Variants in TTN observed in about 807,000 individuals in gnomAD.
TTN encodes titin, also known as connectin.
Under a neutral mutation model 3,223.0 loss-of-function variants are expected in TTN, and 1,525 were observed. The ratio of observed to expected loss-of-function variants is 0.47; its 90% CI spans 0.45 to 0.49. The LOEUF (loss-of-function observed/expected upper bound fraction) is 0.49, where lower values mean the gene tolerates loss of function less well. TTN is among the 20% of genes least tolerant of loss of function. The pLI, the probability that TTN is intolerant of heterozygous loss-of-function variation, is 0.00. For missense variants in TTN, 40,786 were observed against 43,424.0 expected, an observed-to-expected ratio of 0.94 and a Z score of 5.40; for synonymous variants, 14,094 against 15,161.0, an observed-to-expected ratio of 0.93 and a Z score of 5.17.
At position 178,601,440 on chromosome 2, in the gene TTN, C is replaced by T; in HGVS notation, c.55557G>A (p.Arg18519=). Reference sequence around the variant, plus strand: ...TGGTCCAGGCTTTTCCATCAATAGTCCTCTTCTCAATAACATAGCCTTTGA... The same window carrying T: ...TGGTCCAGGCTTTTCCATCAATAGTTCTCTTCTCAATAACATAGCCTTTGA... ...DRIKGYVIEK[R]TIDGKAWTKV... is the part of the protein sequence containing the mutation. Residue 18519 remains arginine, a synonymous_variant, in exon 287 of 363, where the codon AGG becomes AGA. Transcript: ENST00000589042. 2 of 1,612,876 alleles carry T rather than the reference C, an allele frequency of 1.2e-6. No individual in the cohort carries two copies. The highest frequency in any genetic ancestry group is 2.2e-5 in the South Asian group (2 of 91,022).
chr2:178,718,524 G>A lies in TTN; in HGVS notation c.24582C>T (p.Tyr8194=), dbSNP rs1577961198. 6.2e-7 allele frequency: 1 copy of A among 1,613,758 alleles called. No individual in the cohort carries two copies. The highest frequency in any genetic ancestry group is 8.5e-7 in the Non-Finnish European group (1 of 1,179,756). ...TCACTGAGATTGGAGGTGTGCCAGT[G>A]TATGTGGCCTCGAGAACTATGGGGC... ...TGSPIVLEAT[Y]TGTPPISVSW... Residue 8194 remains tyrosine, a synonymous_variant, in exon 85 of 363, where the codon TAC becomes TAT. Coordinates refer to ENST00000589042, the MANE Select transcript of TTN (RefSeq NM_001267550.2).
chr2:178,569,579 T>C lies in TTN; in HGVS notation c.76553A>G (p.Lys25518Arg). Residue 25518 changes from lysine (K) to arginine (R), a missense_variant, in exon 326 of 363, where the codon AAA (lysine) becomes AGA (arginine). By Grantham distance (26) the Lys-to-Arg change is conservative (BLOSUM62 2). Transcript: ENST00000589042. The stretch of plus-strand genomic sequence containing the variant: ...GCCACCTGCCCTTATATTTATGATT[T>C]TCCTTAGTTCTAGGTCAAGATCAAT... Reference protein sequence around the residue: ...PDIDLDLELRKIINIRAGGSL... With the variant: ...PDIDLDLELRRIINIRAGGSL... The C allele has an allele frequency of 6.2e-7, 1 of 1,612,954 alleles. No individual in the cohort carries two copies. The highest frequency in any genetic ancestry group is 8.5e-7 in the Non-Finnish European group (1 of 1,179,474).
rs760651904 is a variant in TTN at position 178,598,769 on chromosome 2, C to G, written c.56941G>C (p.Ala18981Pro). 1 of 1,613,246 alleles carries G rather than the reference C, an allele frequency of 6.2e-7. No individual in the cohort carries two copies. Among genetic ancestry groups the G allele is most frequent in the Admixed American group, 1.7e-5 (1 of 59,960 alleles). The change falls in exon 291 of 363, where the codon GCG (alanine) becomes CCG (proline). Residue 18981 changes from alanine (A) to proline (P), a missense_variant. Transcript: ENST00000589042. ...VGPASLPSDP[A>P]TARDPIAPPG... ...TTACCAATTGGATCTCTAGCAGTCG[C>G]TGGGTCTGATGGCAGACTTGCTGGA...
At chr2:178,550,754 C>G (rs958737346) in intron 336 of TTN, 15 of 568,846 alleles carry the variant, frequency 2.6e-5, no homozygotes, top group Admixed American at 1.4e-4. Context: ...GCTGCATGCT[C>G]TTTATATGGG....
Position 178,620,795 on chromosome 2 carries a change from T to C in TTN, c.45815A>G (p.Asp15272Gly). The stretch of plus-strand genomic sequence containing the variant: ...AGACACATTATAGTTGGCTTGGTCA[T>C]CTAAGTGTGCATCTCTAATTCTGAG... The part of the protein sequence containing the change: ...YTLRIRDAHL[D>G]DQANYNVSLT... The change falls in exon 247 of 363, where the codon GAT becomes GGT. Residue 15272 changes from aspartate to glycine, a missense_variant. Physicochemically the swap from Asp to Gly is moderately conservative, Grantham distance 94. Coordinates refer to ENST00000589042, the MANE Select transcript of TTN (RefSeq NM_001267550.2). 1 of 1,612,826 alleles carries C rather than the reference T, an allele frequency of 6.2e-7. No individual in the cohort carries two copies. Among genetic ancestry groups the C allele is most frequent in the Non-Finnish European group, 8.5e-7 (1 of 1,179,168 alleles).
At position 178,584,666 on chromosome 2, in the gene TTN, T is replaced by C; in HGVS notation, c.64972+3A>G. On this transcript the variant is annotated splice_donor_region_variant and intron_variant, in intron 310 of 362. Coordinates refer to ENST00000589042, the MANE Select transcript of TTN (RefSeq NM_001267550.2). ...ACTTTTTTTCTCCTTCACAAAAACA[T>C]ACCAAATGGGAACTGCGCAACCATC... The C allele has an allele frequency of 1.9e-6, 3 of 1,612,646 alleles. No homozygotes were observed. The highest frequency in any genetic ancestry group is 2.5e-6 in the Non-Finnish European group (3 of 1,179,384).
intron 41 of TTN, 117 bp from the exon 42 acceptor site, chr2:178,764,928 AT>A (rs768923517): frequency 3.3e-5 from 40 of 1,204,972 alleles, no homozygotes; most frequent in Non-Finnish European, 4.5e-5. Context: ...AAATTTTGGA[AT>A]TGTGGTATTT....
chr2:178,768,978 A>G, intron 37 of TTN, 45 bp from the exon 38 acceptor site: 1 of 1,606,990 alleles, frequency 6.2e-7, no homozygotes, highest in African/African-American at 1.3e-5. Flanking sequence ...CTTTACGTAA[A>G]TATGATGTGG....
Position 178,578,093 on chromosome 2 carries a change from A to G in TTN, c.68422T>C (p.Leu22808=), listed in dbSNP as rs879207167. 5 of 1,613,306 alleles carry G rather than the reference A, an allele frequency of 3.1e-6. No individual in the cohort carries two copies. The highest frequency in any genetic ancestry group is 4.2e-6 in the Non-Finnish European group (5 of 1,179,476). The stretch of plus-strand genomic sequence containing the variant: ...AATTCATATTCAAGACCTTCAGTTA[A>G]TCCTGTCACTTTAAAGTCTCTCATC... ...IRMRDFKVTG[L]TEGLEYEFRV... is the part of the protein sequence containing the mutation. Residue 22808 remains leucine, a synonymous_variant, in exon 322 of 363, where the codon TTA becomes CTA. Transcript: ENST00000589042.
chr2:178,564,568 T>C lies in TTN; in HGVS notation c.81564A>G (p.Thr27188=). 1 of 1,613,454 alleles carries C rather than the reference T, an allele frequency of 6.2e-7. No individual in the cohort carries two copies. Among genetic ancestry groups the C allele is most frequent in the Non-Finnish European group, 8.5e-7 (1 of 1,179,674 alleles). ...EAIVITRNNV[T]LKWKKPAYDG... ...CATAGGCAGGTTTCTTCCATTTCAGTGTGACATTGTTTCTTGTAATAACAA... is the reference window on the plus strand; with the variant it reads ...CATAGGCAGGTTTCTTCCATTTCAGCGTGACATTGTTTCTTGTAATAACAA... Residue 27188 remains threonine (T), a synonymous_variant, in exon 326 of 363, where the codon ACA becomes ACG. Transcript: ENST00000589042.
chr2:178,628,888 C>G (rs1324549930), intron 240 of TTN: 1 of 156,300 alleles, frequency 6.4e-6, no homozygotes, highest in African/African-American at 2.4e-5. Flanking sequence ...GTCTTCTCCT[C>G]TTAATCCCCT....
intron 43 of TTN, among the ~76,000 whole-genome samples, chr2:178,760,284 C>T (rs2088701034): frequency 6.6e-6 from 1 of 152,156 alleles, no homozygotes; most frequent in East Asian, 1.9e-4. Context: ...GTAATCCCAG[C>T]ACTTTGGGAG....
Position 178,766,498 on chromosome 2 carries a change from A to G in TTN, c.9586T>C (p.Tyr3196His). 1 of 1,614,064 alleles carries G rather than the reference A, an allele frequency of 6.2e-7. No individual in the cohort carries two copies. The highest frequency in any genetic ancestry group is 8.5e-7 in the Non-Finnish European group (1 of 1,179,984). Residue 3196 changes from tyrosine to histidine, a missense_variant, in exon 41 of 363, where the codon TAT becomes CAT. Tyr to His is a moderately conservative substitution (Grantham distance 83). Coordinates refer to ENST00000589042, the MANE Select transcript of TTN (RefSeq NM_001267550.2). ...INFQVQERHKYVVERRIHRMF... is the reference protein window; with the variant it reads ...INFQVQERHKHVVERRIHRMF... ...CGGTGGATTCTTCTTTCCACTACAT[A>G]TTTGTGTCGTTCTTGAACTTGGAAA... is the stretch of plus-strand genomic sequence containing the variant.
chr2:178,774,046 C>T lies in TTN; in HGVS notation c.7122G>A (p.Gln2374=), dbSNP rs774105753. The part of the protein sequence containing the change: ...DQKVCEGDIV[Q]LEVKVSLESV... ...TTTCCAAGGAGACTTTAACTTCAAG[C>T]TGAACAATGTCACCCTCACAGACTT... Residue 2374 remains glutamine (Q), a synonymous_variant, in exon 31 of 363, where the codon CAG becomes CAA. Transcript: ENST00000589042. The T allele has an allele frequency of 6.2e-7, 1 of 1,613,968 alleles. No individual in the cohort carries two copies. Among genetic ancestry groups the T allele is most frequent in the African/African-American group, 1.3e-5 (1 of 74,910 alleles).
intron 313 of TTN, 54 bp from the exon 314 acceptor site, chr2:178,582,646 T>G: frequency 6.6e-7 from 1 of 1,507,006 alleles, no homozygotes; most frequent in Admixed American, 2.1e-5. Context: ...GAGTATAGAG[T>G]AGAGGTCTGG....
rs764030230 is a variant in TTN at position 178,764,204 on chromosome 2, G to A, written c.10087C>T (p.Arg3363Cys). The change falls in exon 43 of 363, where the codon CGT becomes TGT. Residue 3363 changes from arginine to cysteine, a missense_variant. Transcript: ENST00000589042. ...GTTCCAGAAACCCGGCATTGAAAAC[G>A]GGCTGGCTGCCCTTCAGAAGTGACA... Reference protein sequence around the residue: ...DTVTSEGQPARFQCRVSGTDL... With the variant: ...DTVTSEGQPACFQCRVSGTDL... The A allele has an allele frequency of 1.3e-5, 21 of 1,613,924 alleles. No individual in the cohort carries two copies. Among genetic ancestry groups the A allele is most frequent in the Admixed American group, 1.2e-4 (7 of 59,998 alleles).
chr2:178,805,361 A>AT lies in TTN; in HGVS notation c.-13-707_-13-706insA, dbSNP rs1444680882. The stretch of plus-strand genomic sequence containing the variant: ...TCTGTCTCAAAAAAAAAAAAAAAAA[A>AT]AAATTAAAATAAATAAACCTCTGCA... On this transcript the variant is annotated intron_variant, in intron 1 of 362. Coordinates refer to ENST00000589042, the MANE Select transcript of TTN (RefSeq NM_001267550.2). Among the ~76,000 whole-genome samples, 6 of 151,818 alleles carry AT rather than the reference A, an allele frequency of 4.0e-5. No homozygotes were observed. In the East Asian group the frequency reaches 1.2e-3, roughly 29 times the overall value.
Position 178,689,003 on chromosome 2 carries a change from ATTTTTTTTT to A in TTN, c.32095+41_32095+49del, listed in dbSNP as rs35770337. 5.3e-4 allele frequency: 536 copies of A among 1,006,446 alleles called. 1 individual carries two copies. The highest frequency in any genetic ancestry group is 3.2e-3 in the African/African-American group (149 of 45,898). 62.3% of individuals were successfully genotyped at this position (1,006,446 alleles called of 1,614,324 possible). ...AAGCAAGAATTTAACACACTCGAAG[ATTTTTTTTT>A]TTTTTTTTTTTTTTTGTCAGAGGAT... On this transcript the variant is annotated intron_variant, in intron 125 of 362. Transcript: ENST00000589042.
intron 278 of TTN, 56 bp from the exon 279 acceptor site, chr2:178,605,769 A>G: frequency 7.6e-7 from 1 of 1,319,918 alleles, no homozygotes; most frequent in Non-Finnish European, 1.0e-6. Context: ...CATGTAAGAA[A>G]TAATATTTCA....
Sources: allele counts gnomAD v4.1 joint callset (sites outside exome capture counted in the v4.1 genomes callset), GRCh38; gene constraint gnomAD v4.1.1; transcripts MANE v1.5; gene names NCBI Gene and HGNC (gene_info 2026-07-23, HGNC 2026-07-21).